Variants in MACROD2 observed in about 807,000 individuals in gnomAD.
MACROD2 encodes the protein ADP-ribose glycohydrolase MACROD2.
MACROD2 carries 36 observed loss-of-function variants against 70.4 expected under a neutral mutation model. That is an observed-to-expected ratio of 0.51 (90% CI 0.39 to 0.68). MACROD2 has a LOEUF of 0.68. Among genes scored for constraint, MACROD2 ranks in the 30% least tolerant of loss-of-function variants. MACROD2 has a pLI of 0.00. For synonymous variants in MACROD2, 172 were observed against 178.8 expected, an observed-to-expected ratio of 0.96 and a Z score of 0.30; for missense variants, 496 against 538.4, an observed-to-expected ratio of 0.92 and a Z score of 0.78.
intron 2 of MACROD2, among the ~76,000 whole-genome samples, chr20:14,040,497 G>A (rs1481216544): frequency 6.6e-6 from 1 of 152,018 alleles, no homozygotes; most frequent in Non-Finnish European, 1.5e-5. Flanking sequence ...TGAGTTTTTG[G>A]TGTACCCATT....
intron 5 of MACROD2, among the ~76,000 whole-genome samples, chr20:14,786,314 G>T (rs879845055): frequency 1.3e-5 from 2 of 151,584 alleles, no homozygotes; most frequent in Non-Finnish European, 2.9e-5. Context: ...ATCACCATCC[G>T]AAATTCTAAG....
At chr20:15,107,122 C>G (rs1048365425) in intron 5 of MACROD2, among the ~76,000 whole-genome samples, 1 of 150,724 alleles carries the variant, frequency 6.6e-6, no homozygotes, top group African/African-American at 2.5e-5. Flanking sequence ...TAAAACATTT[C>G]CTGGGGTTTG....
chr20:14,372,202 T>G (rs1158039373), intron 3 of MACROD2, among the ~76,000 whole-genome samples: 1 of 152,202 alleles, frequency 6.6e-6, no homozygotes, highest in Non-Finnish European at 1.5e-5. Context: ...TGTCCTATTT[T>G]ATGCTGATAA....
At chr20:15,993,233 A>AGTGTGTGTGTGTGT (rs11468964) in intron 15 of MACROD2, among the ~76,000 whole-genome samples, 1 of 143,980 alleles carries the variant, frequency 6.9e-6, no homozygotes, top group Admixed American at 6.9e-5. Flanking sequence ...GAATTTGAAG[A>AGTGTGTGTGTGTGT]GTGTGTGTGT....
chr20:15,076,574 T>G (rs999072843), intron 5 of MACROD2, among the ~76,000 whole-genome samples: 17 of 152,152 alleles, frequency 1.1e-4, no homozygotes, highest in Non-Finnish European at 1.8e-4. Flanking sequence ...ACAATATGCT[T>G]TCTCACTTTT....
At chr20:15,433,448 C>A in intron 7 of MACROD2, among the ~76,000 whole-genome samples, 2 of 94,606 alleles carry the variant, frequency 2.1e-5, no homozygotes, top group African/African-American at 4.8e-5. Flanking sequence ...CAATCCCTTT[C>A]ACAAGAGCTG....
At chr20:15,342,057 A>G (rs2078116102) in intron 6 of MACROD2, among the ~76,000 whole-genome samples, 1 of 152,188 alleles carries the variant, frequency 6.6e-6, no homozygotes, top group Non-Finnish European at 1.5e-5. Context: ...CTGCCCCTGA[A>G]AAAAACCCAG....
intron 5 of MACROD2, among the ~76,000 whole-genome samples, chr20:15,044,163 C>T (rs532176790): frequency 6.6e-6 from 1 of 152,118 alleles, no homozygotes; most frequent in Admixed American, 6.5e-5. Flanking sequence ...ATGGTCGGAT[C>T]CTCTGGCAAC....
At chr20:15,353,679 A>G (rs1424906942) in intron 6 of MACROD2, among the ~76,000 whole-genome samples, 1 of 149,150 alleles carries the variant, frequency 6.7e-6, no homozygotes, top group Non-Finnish European at 1.5e-5. Flanking sequence ...CCCATCAAAA[A>G]GTGGGCAAAG....
intron 8 of MACROD2, among the ~76,000 whole-genome samples, chr20:15,860,300 A>G (rs2064407925): frequency 6.6e-6 from 1 of 152,200 alleles, no homozygotes; most frequent in Non-Finnish European, 1.5e-5. Flanking sequence ...GATTTTAAGT[A>G]TGGGGGAAAT....
chr20:15,194,762 AT>A (rs1455851434), intron 5 of MACROD2, among the ~76,000 whole-genome samples: 2 of 152,054 alleles, frequency 1.3e-5, no homozygotes, highest in Non-Finnish European at 2.9e-5. Context: ...TTTTTCACTA[AT>A]TTCTGTTACA....
intron 8 of MACROD2, among the ~76,000 whole-genome samples, chr20:15,711,214 T>G (rs1451216377): frequency 6.6e-6 from 1 of 152,168 alleles, no homozygotes. Context: ...ATTTTCTCAT[T>G]GATCTTTCGC....
At chr20:15,106,441 T>C (rs186898347) in intron 5 of MACROD2, among the ~76,000 whole-genome samples, 50 of 152,264 alleles carry the variant, frequency 3.3e-4, no homozygotes, top group African/African-American at 1.2e-3. Flanking sequence ...ACAAGAGCAA[T>C]ATGAAATGAT....
chr20:15,299,581 T>C (rs2077622825), intron 6 of MACROD2, among the ~76,000 whole-genome samples: 1 of 152,242 alleles, frequency 6.6e-6, no homozygotes, highest in Non-Finnish European at 1.5e-5. Flanking sequence ...CCAAAAAATA[T>C]GCATTTTGTT....
chr20:14,364,409 G>T (rs534652126), intron 3 of MACROD2, among the ~76,000 whole-genome samples: 3 of 152,146 alleles, frequency 2.0e-5, no homozygotes, highest in African/African-American at 7.2e-5. Flanking sequence ...TGTGCGCTTT[G>T]TCCCCATATT....
At chr20:15,614,278 T>C (rs2049008544) in intron 8 of MACROD2, among the ~76,000 whole-genome samples, 2 of 152,242 alleles carry the variant, frequency 1.3e-5, no homozygotes, top group African/African-American at 2.4e-5. Flanking sequence ...CTATTATCCA[T>C]TTGTTATTCC....
chr20:14,634,065 T>C (rs1318347964), intron 4 of MACROD2, among the ~76,000 whole-genome samples: 1 of 152,226 alleles, frequency 6.6e-6, no homozygotes, highest in Non-Finnish European at 1.5e-5. Flanking sequence ...AGCATTGCTC[T>C]CTTCACAGCC....
chr20:14,679,996 GC>G (rs1420568862), intron 4 of MACROD2, among the ~76,000 whole-genome samples: 1 of 152,192 alleles, frequency 6.6e-6, no homozygotes, highest in African/African-American at 2.4e-5. Context: ...CTGAGTGAGA[GC>G]CACATTTAAG....
intron 6 of MACROD2, among the ~76,000 whole-genome samples, chr20:15,410,368 A>C (rs1484832657): frequency 2.0e-5 from 3 of 152,196 alleles, no homozygotes; most frequent in Non-Finnish European, 2.9e-5. Flanking sequence ...TTAAAAAACC[A>C]ATCATGTCTT....
Sources: allele counts gnomAD v4.1 joint callset (sites outside exome capture counted in the v4.1 genomes callset), GRCh38; gene constraint gnomAD v4.1.1; transcripts MANE v1.5; gene names NCBI Gene and HGNC (gene_info 2026-07-23, HGNC 2026-07-21).